Variants in CPAP observed in about 807,000 individuals in gnomAD.
The protein encoded by CPAP is centrosomal P4.1-associated protein.
At chr13:24,917,262 AAAT>A in the CPAP span, among the ~76,000 whole-genome samples, 4 of 152,170 alleles carry the variant, frequency 2.6e-5, no homozygotes, top group Non-Finnish European at 5.9e-5. Context: ...AAAAATAAAT[AAAT>A]AAATTACAAT....
At chr13:24,906,934 TTTGA>T in the CPAP span, 7 of 1,614,090 alleles carry the variant, frequency 4.3e-6, no homozygotes, top group Non-Finnish European at 5.1e-6. Context: ...TTGGTTTTGC[TTTGA>T]TTGGCAATGG....
At chr13:24,931,306 C>CTTTCTTT in the CPAP span, among the ~76,000 whole-genome samples, 2 of 72,646 alleles carry the variant, frequency 2.8e-5, no homozygotes, top group African/African-American at 6.6e-5. Flanking sequence ...TTTCATGTTT[C>CTTTCTTT]TTTTTTTTTT....
chr13:24,906,772 C>T, the CPAP span: 1 of 1,614,148 alleles, frequency 6.2e-7, no homozygotes, highest in South Asian at 1.1e-5. Context: ...GAGCGGTTTT[C>T]CGCTGGAGTT....
chr13:24,913,650 T>C, the CPAP span, among the ~76,000 whole-genome samples: 2 of 152,240 alleles, frequency 1.3e-5, no homozygotes, highest in Admixed American at 1.3e-4. Flanking sequence ...ATCACTCTTC[T>C]AGCACTCATC....
At chr13:24,908,320 C>T in the CPAP span, among the ~76,000 whole-genome samples, 171 of 151,078 alleles carry the variant, frequency 1.1e-3, no homozygotes, top group Non-Finnish European at 2.1e-3. Flanking sequence ...CACTTGAGGC[C>T]GGGTGTGGTG....
the CPAP span, among the ~76,000 whole-genome samples, chr13:24,897,590 T>C: frequency 9.9e-5 from 15 of 152,200 alleles, no homozygotes; most frequent in Non-Finnish European, 2.1e-4. Flanking sequence ...GAGTAAATTA[T>C]GGCACATATT....
chr13:24,892,754 G>T, the CPAP span: 1 of 1,613,824 alleles, frequency 6.2e-7, no homozygotes, highest in Non-Finnish European at 8.5e-7. Context: ...GGAGGTCTGT[G>T]TTCTCTCTGA....
chr13:24,920,665 G>A, the CPAP span, among the ~76,000 whole-genome samples: 10 of 139,932 alleles, frequency 7.1e-5, no homozygotes, highest in African/African-American at 2.7e-4. Flanking sequence ...CTGTTGCCCA[G>A]GCTAGAGTGC....
At chr13:24,933,297 C>T in the CPAP span, among the ~76,000 whole-genome samples, 2 of 152,148 alleles carry the variant, frequency 1.3e-5, no homozygotes, top group African/African-American at 4.8e-5. Flanking sequence ...GAGGCTGGGC[C>T]CCCAGAGGCA....
the CPAP span, chr13:24,886,140 C>A: frequency 2.3e-6 from 1 of 439,156 alleles, no homozygotes; most frequent in Non-Finnish European, 4.4e-6. Context: ...ACGCCCCCAC[C>A]AACAACAAAG....
the CPAP span, among the ~76,000 whole-genome samples, chr13:24,925,451 C>T: frequency 8.5e-5 from 13 of 152,246 alleles, no homozygotes; most frequent in East Asian, 1.5e-3. Context: ...TGAGCCTAGA[C>T]GTTTGAACGT....
the CPAP span, chr13:24,903,831 G>A: frequency 7.6e-7 from 1 of 1,307,926 alleles, no homozygotes; most frequent in African/African-American, 1.4e-5. Flanking sequence ...ATATTTGTTT[G>A]ACTGATTTAA....
At chr13:24,908,787 T>G in the CPAP span, among the ~76,000 whole-genome samples, 1 of 152,160 alleles carries the variant, frequency 6.6e-6, no homozygotes, top group African/African-American at 2.4e-5. Flanking sequence ...AAAGATATTT[T>G]GGGATAACTG....
chr13:24,883,356 G>A, the CPAP span: 1 of 1,606,390 alleles, frequency 6.2e-7, no homozygotes, highest in South Asian at 1.1e-5. Flanking sequence ...AACTCTATGA[G>A]TTTGTTGCCA....
chr13:24,892,686 G>A, the CPAP span: 1 of 1,614,038 alleles, frequency 6.2e-7, no homozygotes, highest in African/African-American at 1.3e-5. Context: ...GCTCTCTATG[G>A]CTTCTGCTCT....
chr13:24,904,700 T>C, the CPAP span, among the ~76,000 whole-genome samples: 17,008 of 152,276 alleles, frequency 0.11, 1,016 homozygotes, highest in Non-Finnish European at 0.14. Flanking sequence ...TCTATGCTTT[T>C]TAAGCTTCCA....
the CPAP span, among the ~76,000 whole-genome samples, chr13:24,893,439 G>A: frequency 4.6e-5 from 7 of 152,246 alleles, no homozygotes; most frequent in Non-Finnish European, 1.0e-4. Context: ...TAGAGTCGAG[G>A]AAGGAGCAGG....
chr13:24,924,017 TAG>T, the CPAP span, among the ~76,000 whole-genome samples: 1 of 152,154 alleles, frequency 6.6e-6, no homozygotes, highest in East Asian at 1.9e-4. Flanking sequence ...TTATTTTTAG[TAG>T]AGAAGGGGTT....
At chr13:24,883,916 C>G in the CPAP span, 4 of 1,612,720 alleles carry the variant, frequency 2.5e-6, no homozygotes, top group South Asian at 4.4e-5. Flanking sequence ...CACAGATGAA[C>G]AGGTGTCACA....
Sources: allele counts gnomAD v4.1 joint callset (sites outside exome capture counted in the v4.1 genomes callset), GRCh38; gene constraint gnomAD v4.1.1; transcripts MANE v1.5; gene names NCBI Gene and HGNC (gene_info 2026-07-23, HGNC 2026-07-21).